The following CDKAL1 variants were observed in gnomAD, a reference collection of about 807,000 sequenced individuals.
The protein encoded by CDKAL1 is threonylcarbamoyladenosine tRNA methylthiotransferase.
In CDKAL1, 32 loss-of-function variants were observed where a neutral mutation model predicts 68.2. The observed-to-expected ratio is 0.47, with a 90% CI of 0.35 to 0.63. The LOEUF (loss-of-function observed/expected upper bound fraction) is 0.63, where lower values mean the gene tolerates loss of function less well. Ranked by LOEUF, CDKAL1 falls within the 30% of genes least tolerant of loss-of-function variation. CDKAL1 has a pLI of 0.00. For missense variants in CDKAL1, 606 were observed against 696.7 expected (o/e 0.87, Z 1.47); for synonymous variants, 234 against 244.3 (o/e 0.96, Z 0.39).
chr6:21,197,090 G>A (rs908088985), intron 13 of CDKAL1, among the ~76,000 whole-genome samples: 2 of 151,420 alleles, frequency 1.3e-5, no homozygotes, highest in African/African-American at 4.9e-5. Context: ...CCCGGGAGGC[G>A]GAATTTGCAG....
chr6:20,608,037 AC>A (rs1427925929), intron 4 of CDKAL1, among the ~76,000 whole-genome samples: 1 of 152,160 alleles, frequency 6.6e-6, no homozygotes, highest in African/African-American at 2.4e-5. Context: ...CAGGGTACTT[AC>A]ATCTGAGTGT....
At chr6:20,665,073 G>A (rs189209065) in intron 5 of CDKAL1, among the ~76,000 whole-genome samples, 15 of 152,126 alleles carry the variant, frequency 9.9e-5, no homozygotes, top group Non-Finnish European at 1.5e-4. Flanking sequence ...AGATGGGGTT[G>A]GGGGAGTGAT....
At chr6:20,836,936 GC>G (rs1777975037) in intron 8 of CDKAL1, among the ~76,000 whole-genome samples, 1 of 152,116 alleles carries the variant, frequency 6.6e-6, no homozygotes, top group African/African-American at 2.4e-5. Flanking sequence ...GTGTGCTAAG[GC>G]CCTACCAGTT....
At chr6:21,112,080 T>C (rs1562040606) in intron 13 of CDKAL1, among the ~76,000 whole-genome samples, 1 of 152,258 alleles carries the variant, frequency 6.6e-6, no homozygotes, top group Non-Finnish European at 1.5e-5. Context: ...TTTTTTTTTT[T>C]CTTTTGATAA....
intron 5 of CDKAL1, among the ~76,000 whole-genome samples, chr6:20,709,237 T>G (rs1028588381): frequency 6.6e-6 from 1 of 152,180 alleles, no homozygotes; most frequent in African/African-American, 2.4e-5. Flanking sequence ...GAACCTTGGC[T>G]GGTATTTGAA....
intron 11 of CDKAL1, among the ~76,000 whole-genome samples, chr6:21,033,755 C>T (rs986419205): frequency 6.6e-6 from 1 of 152,156 alleles, no homozygotes; most frequent in African/African-American, 2.4e-5. Flanking sequence ...GTAGCCATAG[C>T]CCTGGAAGCT....
At chr6:20,971,923 G>A (rs560807192) in intron 10 of CDKAL1, among the ~76,000 whole-genome samples, 2 of 152,022 alleles carry the variant, frequency 1.3e-5, no homozygotes, top group South Asian at 2.1e-4. Context: ...AAAAAATAAC[G>A]TGAAAAAACT....
At chr6:20,588,775 C>A (rs931043858) in intron 4 of CDKAL1, among the ~76,000 whole-genome samples, 3 of 152,126 alleles carry the variant, frequency 2.0e-5, no homozygotes, top group Non-Finnish European at 4.4e-5. Flanking sequence ...AAAATAATCT[C>A]ATCTATTTTA....
intron 11 of CDKAL1, among the ~76,000 whole-genome samples, chr6:21,037,413 A>G (rs1769653394): frequency 6.6e-6 from 1 of 152,214 alleles, no homozygotes; most frequent in African/African-American, 2.4e-5. Context: ...TGGGAACATA[A>G]TATGTATTAT....
At chr6:20,762,741 C>T (rs191039156) in intron 7 of CDKAL1, among the ~76,000 whole-genome samples, 7 of 152,274 alleles carry the variant, frequency 4.6e-5, no homozygotes, top group African/African-American at 1.4e-4. Flanking sequence ...CTCTTACTTC[C>T]TCCTTAATAT....
chr6:20,639,780 T>C (rs1475578048), intron 4 of CDKAL1, among the ~76,000 whole-genome samples: 20 of 152,142 alleles, frequency 1.3e-4, no homozygotes, highest in Non-Finnish European at 2.9e-4. Flanking sequence ...AAGTGATTCT[T>C]CTGCCTCAGC....
intron 9 of CDKAL1, among the ~76,000 whole-genome samples, chr6:20,896,172 C>T: frequency 7.4e-6 from 1 of 135,592 alleles, no homozygotes; most frequent in Non-Finnish European, 1.5e-5. Context: ...GCGATCTTGG[C>T]TCACTGCAGC....
At chr6:20,778,519 G>A (rs1290823647) in intron 7 of CDKAL1, among the ~76,000 whole-genome samples, 1 of 152,230 alleles carries the variant, frequency 6.6e-6, no homozygotes, top group African/African-American at 2.4e-5. Flanking sequence ...TGTATGGAAA[G>A]AGACGTAGTG....
chr6:20,641,070 T>G (rs1446533039), intron 4 of CDKAL1, among the ~76,000 whole-genome samples: 1 of 152,236 alleles, frequency 6.6e-6, no homozygotes, highest in Non-Finnish European at 1.5e-5. Flanking sequence ...AACAATAGTT[T>G]ATTTCTTTTG....
chr6:21,067,353 G>C (rs1771514603), intron 12 of CDKAL1, among the ~76,000 whole-genome samples: 1 of 152,188 alleles, frequency 6.6e-6, no homozygotes, highest in Admixed American at 6.5e-5. Context: ...ATAACATTAT[G>C]TTGGCGAACT....
intron 5 of CDKAL1, among the ~76,000 whole-genome samples, chr6:20,708,809 G>A (rs547299351): frequency 1.3e-5 from 2 of 151,952 alleles, no homozygotes; most frequent in South Asian, 4.2e-4. Context: ...TTCTGGTCTG[G>A]TTTCTTTGTG....
intron 4 of CDKAL1, among the ~76,000 whole-genome samples, chr6:20,648,897 C>A (rs1330620316): frequency 6.6e-6 from 1 of 152,122 alleles, no homozygotes; most frequent in East Asian, 1.9e-4. Context: ...AAGAATTTCT[C>A]AAGCTGAAGA....
chr6:20,842,978 A>T (rs113288293), intron 8 of CDKAL1, among the ~76,000 whole-genome samples: 62 of 152,216 alleles, frequency 4.1e-4, no homozygotes, highest in African/African-American at 1.4e-3. Flanking sequence ...TCAGAATATC[A>T]CTTTGTTTAT....
Position 21,005,235 on chromosome 6 carries a change from T to G in CDKAL1, c.1055+4863T>G, listed in dbSNP as rs577782360. ...TAGACAATTACTTTAATTGGGCCTC[T>G]ATCATTTGAGCAGCAGTGAATGTAT... On this transcript the variant is annotated intron_variant, in intron 11 of 15. Coordinates refer to ENST00000274695, the MANE Select transcript of CDKAL1 (RefSeq NM_017774.3). Among the ~76,000 whole-genome samples the G allele has an allele frequency of 1.4e-4, 22 of 152,342 alleles. 1 individual carries two copies. The South Asian group carries it at 4.6e-3, about 32-fold the overall frequency.
Sources: gnomAD v4.1 joint callset for allele counts (sites outside exome capture counted in the v4.1 genomes callset) on GRCh38, gnomAD v4.1.1 for gene constraint, MANE v1.5 for transcripts, NCBI Gene and HGNC (gene_info 2026-07-23, HGNC 2026-07-21) for gene names.